Variants in GPC5 observed in about 807,000 individuals in gnomAD.
The protein encoded by GPC5 is glypican 5.
GPC5 carries 47 observed loss-of-function variants against 53.9 expected under a neutral mutation model. The ratio of observed to expected loss-of-function variants is 0.87; its 90% CI spans 0.69 to 1.11. The LOEUF (loss-of-function observed/expected upper bound fraction) is 1.11, where lower values mean the gene tolerates loss of function less well. Among genes scored for constraint, GPC5 ranks in the 50% most tolerant of loss-of-function variants. The probability of loss-of-function intolerance (pLI) is 0.00; values close to 1 mark genes in which losing one functional copy is unlikely to be tolerated. For missense variants in GPC5, 748 were observed against 713.1 expected, an observed-to-expected ratio of 1.05 and a Z score of -0.56; for synonymous variants, 286 against 263.3, an observed-to-expected ratio of 1.09 and a Z score of -0.84.
intron 2 of GPC5, among the ~76,000 whole-genome samples, chr13:91,521,090 C>A (rs1228572782): frequency 6.6e-6 from 1 of 152,026 alleles, no homozygotes; most frequent in Non-Finnish European, 1.5e-5. Context: ...GTTACATTAT[C>A]CTTTGTTATG....
At chr13:91,525,520 A>G (rs1046482860) in intron 2 of GPC5, among the ~76,000 whole-genome samples, 2 of 152,190 alleles carry the variant, frequency 1.3e-5, no homozygotes, top group Non-Finnish European at 2.9e-5. Context: ...TTATTACAGA[A>G]CTGGGGAGTT....
At chr13:92,040,657 C>T (rs1028380943) in intron 6 of GPC5, among the ~76,000 whole-genome samples, 42 of 152,266 alleles carry the variant, frequency 2.8e-4, no homozygotes, top group African/African-American at 9.6e-4. Flanking sequence ...ACTCCTTTAA[C>T]CCACTGCTGC....
intron 7 of GPC5, among the ~76,000 whole-genome samples, chr13:92,212,607 C>A (rs1056252457): frequency 7.2e-5 from 11 of 152,074 alleles, no homozygotes; most frequent in African/African-American, 2.2e-4. Context: ...ATGTGGGGGA[C>A]CCTAAGTAGT....
chr13:92,607,864 C>T (rs766781467), intron 7 of GPC5, among the ~76,000 whole-genome samples: 22 of 152,208 alleles, frequency 1.4e-4, no homozygotes, highest in Non-Finnish European at 1.6e-4. Flanking sequence ...GCGCTTTACA[C>T]GCAGATTCTC....
rs894237687 is a variant in GPC5, at chr13:92,499,585, G to T, written c.1561+354596G>T. On this transcript the variant is annotated intron_variant, in intron 7 of 7. Transcript: ENST00000377067. ...ATTTTTTAATAAATTTACCTGAAAA[G>T]TGCATTAATTAACTTTACAATAATT... Among the ~76,000 whole-genome samples, 9 of 152,240 alleles carry T rather than the reference G, an allele frequency of 5.9e-5. No individual in the cohort carries two copies. The East Asian group carries it at 1.5e-3, about 26-fold the overall frequency.
At chr13:91,602,581 A>G (rs1293672654) in intron 2 of GPC5, among the ~76,000 whole-genome samples, 4 of 152,238 alleles carry the variant, frequency 2.6e-5, no homozygotes, top group African/African-American at 9.6e-5. Flanking sequence ...CTAAAATGTC[A>G]TAGCTTTTTA....
At chr13:91,786,948 T>C (rs1180284380) in intron 5 of GPC5, among the ~76,000 whole-genome samples, 3 of 150,344 alleles carry the variant, frequency 2.0e-5, no homozygotes, top group Non-Finnish European at 4.5e-5. Flanking sequence ...TGTTTCTCTT[T>C]TTTTTTTTTT....
chr13:92,695,128 T>C (rs1887520832), intron 7 of GPC5, among the ~76,000 whole-genome samples: 1 of 152,168 alleles, frequency 6.6e-6, no homozygotes, highest in Admixed American at 6.6e-5. Flanking sequence ...CCTCTTTCCT[T>C]TATAAATTAT....
At chr13:91,897,005 A>C (rs1214912489) in intron 5 of GPC5, among the ~76,000 whole-genome samples, 3 of 132,994 alleles carry the variant, frequency 2.3e-5, no homozygotes, top group East Asian at 2.4e-4. Context: ...TATTTTCCCA[A>C]CTCCTCCTCT....
chr13:92,000,460 T>A (rs1162384578), intron 6 of GPC5, among the ~76,000 whole-genome samples: 1 of 152,138 alleles, frequency 6.6e-6, no homozygotes, highest in Non-Finnish European at 1.5e-5. Flanking sequence ...TACAATATAA[T>A]AATGTCATTA....
intron 6 of GPC5, among the ~76,000 whole-genome samples, chr13:91,915,664 A>G (rs2039651421): frequency 6.6e-6 from 1 of 152,192 alleles, no homozygotes; most frequent in Non-Finnish European, 1.5e-5. Context: ...GACTAGGACA[A>G]ATTCTGGTAA....
chr13:91,838,360 G>A (rs183767577), intron 5 of GPC5, among the ~76,000 whole-genome samples: 103 of 152,100 alleles, frequency 6.8e-4, no homozygotes, highest in Admixed American at 4.9e-3. Context: ...TTGTACCCAT[G>A]GTGCCATACT....
intron 7 of GPC5, among the ~76,000 whole-genome samples, chr13:92,610,145 T>C (rs540137130): frequency 6.6e-6 from 1 of 152,262 alleles, no homozygotes; most frequent in South Asian, 2.1e-4. Context: ...TATTGAACTT[T>C]GAACTGACTA....
At chr13:91,621,254 G>A (rs79261132) in intron 2 of GPC5, among the ~76,000 whole-genome samples, 5,104 of 152,128 alleles carry the variant, frequency 0.034, 110 homozygotes, top group Middle Eastern at 0.051. Context: ...AGAAGTCACC[G>A]ACTATTAAAA....
intron 7 of GPC5, among the ~76,000 whole-genome samples, chr13:92,699,785 C>G (rs1887670673): frequency 6.6e-6 from 1 of 152,128 alleles, no homozygotes; most frequent in African/African-American, 2.4e-5. Flanking sequence ...GCACTGTGGT[C>G]TGATAGACAG....
At chr13:92,465,981 G>C (rs1197807471) in intron 7 of GPC5, among the ~76,000 whole-genome samples, 1 of 151,868 alleles carries the variant, frequency 6.6e-6, no homozygotes, top group African/African-American at 2.4e-5. Context: ...GATGAAAGGC[G>C]ATATGATTAC....
intron 2 of GPC5, among the ~76,000 whole-genome samples, chr13:91,565,978 C>A (rs756636920): frequency 1.3e-5 from 2 of 152,040 alleles, no homozygotes; most frequent in African/African-American, 4.8e-5. Context: ...TTCAAATTGC[C>A]GTTTCCTTTG....
chr13:91,794,921 T>C (rs2038023420), intron 5 of GPC5, among the ~76,000 whole-genome samples: 1 of 152,214 alleles, frequency 6.6e-6, no homozygotes, highest in South Asian at 2.1e-4. Context: ...AGCTACTGAA[T>C]ACAGAGTAAA....
intron 7 of GPC5, among the ~76,000 whole-genome samples, chr13:92,324,954 A>G (rs899309165): frequency 2.0e-5 from 3 of 151,980 alleles, no homozygotes; most frequent in African/African-American, 4.8e-5. Flanking sequence ...AAAAAATTAT[A>G]AACTGAGAGC....
Sources: allele counts gnomAD v4.1 joint callset (sites outside exome capture counted in the v4.1 genomes callset), GRCh38; gene constraint gnomAD v4.1.1; transcripts MANE v1.5; gene names NCBI Gene and HGNC (gene_info 2026-07-23, HGNC 2026-07-21).